ACYP2: variants seen among roughly 807,000 people sequenced by gnomAD.
ACYP2 encodes acylphosphatase 2, also known as acylphosphatase-2.
ACYP2 carries 12 observed loss-of-function variants against 11.2 expected under a neutral mutation model. The ratio of observed to expected loss-of-function variants is 1.08; its 90% CI spans 0.69 to 1.74. ACYP2 has a LOEUF of 1.74. Ranked by LOEUF, ACYP2 falls within the 40% of genes most tolerant of loss-of-function variation. The pLI is 0.00. For missense variants in ACYP2, 134 were observed against 101.9 expected, an observed-to-expected ratio of 1.31 and a Z score of -1.35; for synonymous variants, 43 against 32.2, an observed-to-expected ratio of 1.33 and a Z score of -1.13.
chr2:54,245,411 T>C (rs140692328), intron 6 of ACYP2, among the ~76,000 whole-genome samples: 2 of 152,330 alleles, frequency 1.3e-5, no homozygotes, highest in East Asian at 1.9e-4. Context: ...AGTGGGATTG[T>C]TGGTTCATAT....
chr2:54,064,543 T>C (rs1186208039), intron 4 of ACYP2, among the ~76,000 whole-genome samples: 1 of 152,252 alleles, frequency 6.6e-6, no homozygotes, highest in Non-Finnish European at 1.5e-5. Context: ...ATACATTTCT[T>C]TGCTTTTTAA....
intron 2 of ACYP2, among the ~76,000 whole-genome samples, chr2:53,992,072 TC>T (rs955071467): frequency 2.7e-5 from 4 of 147,290 alleles, no homozygotes; most frequent in African/African-American, 5.3e-5. Context: ...CTTCCTTTTT[TC>T]CCCTTCCTTC....
intron 6 of ACYP2, chr2:54,255,668 C>G: frequency 6.2e-7 from 1 of 1,613,926 alleles, no homozygotes; most frequent in Non-Finnish European, 8.5e-7. Context: ...TTCTCATCCA[C>G]TGGGGCTGAG....
At chr2:54,214,403 G>C (rs1685468107) in intron 6 of ACYP2, among the ~76,000 whole-genome samples, 1 of 152,112 alleles carries the variant, frequency 6.6e-6, no homozygotes, top group South Asian at 2.1e-4. Context: ...AATCCATCTT[G>C]TGTTGCTTTT....
intron 6 of ACYP2, among the ~76,000 whole-genome samples, chr2:54,238,587 T>C (rs1004482124): frequency 4.6e-5 from 7 of 152,100 alleles, no homozygotes; most frequent in African/African-American, 1.7e-4. Flanking sequence ...AATAGCAAAA[T>C]GAAATATTAA....
intron 3 of ACYP2, among the ~76,000 whole-genome samples, chr2:54,054,269 T>G (rs1432964709): frequency 2.0e-5 from 3 of 152,212 alleles, no homozygotes; most frequent in African/African-American, 7.2e-5. Flanking sequence ...TTCATTGAGG[T>G]GGCACTTAAA....
At chr2:54,284,862 T>A (rs760008393) in intron 6 of ACYP2, among the ~76,000 whole-genome samples, 19 of 152,236 alleles carry the variant, frequency 1.2e-4, no homozygotes, top group Non-Finnish European at 1.9e-4. Flanking sequence ...CTTTGGCCTG[T>A]GTTACTTAAA....
intron 6 of ACYP2, chr2:54,143,288 C>T (rs762797386): frequency 9.2e-5 from 14 of 152,170 alleles, no homozygotes; most frequent in Non-Finnish European, 1.6e-4. Context: ...TACTTTATCA[C>T]AATAAATTTT....
At chr2:53,987,732 T>C (rs1157425505) in intron 2 of ACYP2, among the ~76,000 whole-genome samples, 1 of 152,230 alleles carries the variant, frequency 6.6e-6, no homozygotes, top group African/African-American at 2.4e-5. Flanking sequence ...TGAGTAATGA[T>C]GTTGAACAGG....
In ACYP2 at chr2:54,153,945, G is replaced by A. The variant is rs376439740; in HGVS notation, c.404+15197G>A. ...ATATTAATTCTTCCAATCCATGAAC[G>A]TGGAATATCCTTATATTTATTTATG... On this transcript the variant is annotated intron_variant, in intron 6 of 6. Coordinates refer to ENST00000607452, the MANE Select transcript of ACYP2 (RefSeq NM_001320586.2). Among the ~76,000 whole-genome samples, 11 of 152,026 alleles carry A rather than the reference G, an allele frequency of 7.2e-5. No individual in the cohort carries two copies. In the East Asian group the frequency reaches 7.7e-4, roughly 11 times the overall value.
chr2:54,122,719 G>A (rs1680232879), intron 4 of ACYP2, among the ~76,000 whole-genome samples: 1 of 152,160 alleles, frequency 6.6e-6, no homozygotes, highest in Non-Finnish European at 1.5e-5. Flanking sequence ...AATTCCTGGT[G>A]GCTTATGAAA....
At chr2:54,130,734 G>A (rs2103764915) in intron 4 of ACYP2, among the ~76,000 whole-genome samples, 1 of 152,274 alleles carries the variant, frequency 6.6e-6, no homozygotes, top group Admixed American at 6.5e-5. Context: ...TTTAGAAAAT[G>A]AGTACAATGC....
intron 2 of ACYP2, among the ~76,000 whole-genome samples, chr2:53,993,201 A>C (rs1476408146): frequency 2.0e-5 from 3 of 152,110 alleles, no homozygotes; most frequent in Non-Finnish European, 4.4e-5. Context: ...GGTTGACAAG[A>C]AAAGGTTTTT....
At chr2:54,301,673 G>A (rs1689732959) in intron 6 of ACYP2, among the ~76,000 whole-genome samples, 1 of 151,780 alleles carries the variant, frequency 6.6e-6, no homozygotes, top group Admixed American at 6.6e-5. Context: ...GTTTGTATAT[G>A]TATACATATA....
chr2:54,083,344 A>G (rs962556601), intron 4 of ACYP2, among the ~76,000 whole-genome samples: 5 of 152,306 alleles, frequency 3.3e-5, no homozygotes, highest in Middle Eastern at 3.4e-3. Context: ...CTGACACATT[A>G]TCTTTATTTC....
chr2:54,073,557 T>C lies in ACYP2; in HGVS notation c.277+16197T>C, dbSNP rs575068689. ...TGGATTTTGTGAACATTTAAAATTT[T>C]TGTGTTTCAAAAGACACCACCATCA... On this transcript the variant is annotated intron_variant, in intron 4 of 6. Coordinates refer to ENST00000607452, the MANE Select transcript of ACYP2 (RefSeq NM_001320586.2). Among the ~76,000 whole-genome samples the C allele has an allele frequency of 2.6e-5, 4 of 152,304 alleles. 1 individual carries two copies. Among genetic ancestry groups the C allele is most frequent in the African/African-American group, 9.6e-5 (4 of 41,566 alleles).
In ACYP2 at chr2:54,021,664, C is replaced by T. The variant is rs888283572; in HGVS notation, c.63-29294C>T. Among the ~76,000 whole-genome samples the T allele has an allele frequency of 5.9e-5, 9 of 152,206 alleles. No individual in the cohort carries two copies. In the South Asian group the frequency reaches 8.3e-4, roughly 14 times the overall value. ...GCCACAGTAGCATTGTTGACATAAA[C>T]ATATTCATTGCCTCCTCTGCTTTCT... On this transcript the variant is annotated intron_variant, in intron 2 of 6. Transcript: ENST00000607452.
At chr2:54,256,221 C>G in intron 6 of ACYP2, 2 of 1,518,274 alleles carry the variant, frequency 1.3e-6, no homozygotes, top group Non-Finnish European at 1.8e-6. Flanking sequence ...GTTCCTCACA[C>G]AAAATGGCGA....
intron 2 of ACYP2, among the ~76,000 whole-genome samples, chr2:54,012,357 A>T (rs766555527): frequency 9.2e-5 from 14 of 152,100 alleles, no homozygotes; most frequent in Non-Finnish European, 1.8e-4. Flanking sequence ...TAAATAAATA[A>T]ATAATAAACA....
Sources: gnomAD v4.1 joint callset for allele counts (sites outside exome capture counted in the v4.1 genomes callset) on GRCh38, gnomAD v4.1.1 for gene constraint, MANE v1.5 for transcripts, NCBI Gene and HGNC (gene_info 2026-07-23, HGNC 2026-07-21) for gene names.